Variants in AP1G1 observed in about 807,000 individuals in gnomAD.
The protein encoded by AP1G1 is AP-1 complex subunit gamma-1.
In AP1G1, 7 loss-of-function variants were observed where a neutral mutation model predicts 108.3. The observed-to-expected ratio is 0.06, with a 90% CI of 0.04 to 0.12. The LOEUF (loss-of-function observed/expected upper bound fraction) is 0.12, where lower values mean the gene tolerates loss of function less well. AP1G1 is among the 10% of genes least tolerant of loss of function. The probability of loss-of-function intolerance (pLI) is 1.00; values close to 1 mark genes in which losing one functional copy is unlikely to be tolerated. For synonymous variants in AP1G1, 379 were observed against 353.5 expected, an observed-to-expected ratio of 1.07 and a Z score of -0.81; for missense variants, 756 against 1,010.7, an observed-to-expected ratio of 0.75 and a Z score of 3.42.
chr16:71,751,958 G>A (rs2030529985), intron 13 of AP1G1, among the ~76,000 whole-genome samples: 1 of 152,054 alleles, frequency 6.6e-6, no homozygotes, highest in African/African-American at 2.4e-5. Flanking sequence ...AAAACTATAA[G>A]CCAATCTCTC....
chr16:71,766,339 TTCCTTCC>T (rs2031311661), intron 6 of AP1G1: 1 of 384,628 alleles, frequency 2.6e-6, no homozygotes, highest in African/African-American at 2.1e-5. Context: ...AATCAGGAAT[TTCCTTCC>T]TATCCTTCCT....
chr16:71,771,069 TGA>T lies in AP1G1; in HGVS notation c.565+85_565+86del, dbSNP rs970131299. 9.7e-5 allele frequency: 79 copies of T among 815,734 alleles called. No homozygotes were observed. In the African/African-American group the frequency reaches 1.2e-3, roughly 13 times the overall value. 50.5% of individuals were successfully genotyped at this position (815,734 alleles called of 1,614,324 possible). ...CAGCAGAAACGCGACTCCACTGTTC[TGA>T]GAGACACAGGACTAACATAGCCTTA... On this transcript the variant is annotated intron_variant, in intron 5 of 22. Transcript: ENST00000299980.
rs1399256622 is a variant in AP1G1 at position 71,747,647 on chromosome 16, T to A, written c.1625+604A>T. Among the ~76,000 whole-genome samples, 6 of 150,940 alleles carry A rather than the reference T, an allele frequency of 4.0e-5. No homozygotes were observed. In the East Asian group the frequency reaches 9.8e-4, roughly 25 times the overall value. On this transcript the variant is annotated intron_variant, in intron 16 of 22. Coordinates refer to ENST00000299980, the MANE Select transcript of AP1G1 (RefSeq NM_001128.6). ...TATATGGGGAAGTAGATTCTCAACT[T>A]AAAAAGAAAAAAAAAAGGTATTAGA...
intron 16 of AP1G1, 47 bp from the exon 17 acceptor site, chr16:71,746,739 A>C: frequency 2.1e-6 from 3 of 1,413,252 alleles, no homozygotes; most frequent in Non-Finnish European, 3.0e-6. Context: ...AAGAAAATTC[A>C]CAAATAAGCA....
chr16:71,795,797 G>C (rs1460026125), intron 1 of AP1G1, among the ~76,000 whole-genome samples: 1 of 152,134 alleles, frequency 6.6e-6, no homozygotes, highest in Non-Finnish European at 1.5e-5. Context: ...CTGTGTTTTT[G>C]TGGTTTTCTT....
At chr16:71,779,955 C>A (rs1431816414) in intron 2 of AP1G1, among the ~76,000 whole-genome samples, 2 of 149,744 alleles carry the variant, frequency 1.3e-5, no homozygotes, top group Non-Finnish European at 3.0e-5. Flanking sequence ...CCCATCTCTA[C>A]AAAATTTAAA....
intron 1 of AP1G1, 78 bp downstream of exon 1, chr16:71,808,685 G>T: frequency 5.4e-6 from 7 of 1,286,690 alleles, no homozygotes; most frequent in Non-Finnish European, 7.1e-6. Flanking sequence ...AAACTGAAAG[G>T]AAGCTTCCGG....
At chr16:71,800,534 G>A (rs1304980790) in intron 1 of AP1G1, among the ~76,000 whole-genome samples, 1 of 151,530 alleles carries the variant, frequency 6.6e-6, no homozygotes, top group Non-Finnish European at 1.5e-5. Context: ...GGGTGCGGGG[G>A]CTCACGCCTT....
intron 4 of AP1G1, 29 bp from the exon 5 acceptor site, chr16:71,771,281 G>A (rs1244872925): frequency 1.8e-5 from 24 of 1,367,098 alleles, no homozygotes; most frequent in South Asian, 5.6e-5. Context: ...AAGAACAAAA[G>A]GTTTATTTCA....
rs2045484530 is a variant in AP1G1 at position 71,732,512 on chromosome 16, G to A, written c.*546C>T. On this transcript the variant is annotated 3_prime_UTR_variant, in exon 23 of 23. Coordinates refer to ENST00000299980, the MANE Select transcript of AP1G1 (RefSeq NM_001128.6). ...GAGCCTAATGCCTCTTTCAAACATT[G>A]GGGGAACCAGTAGAAAAAGGCAGGG... 6.5e-6 allele frequency: 1 copy of A among 153,052 alleles called. No homozygotes were observed. Among genetic ancestry groups the A allele is most frequent in the Non-Finnish European group, 1.5e-5 (1 of 68,668 alleles). The allele number at this position is 153,052 out of a possible 1,614,324, so 9.5% of individuals were successfully genotyped here.
At position 71,729,413 on chromosome 16, in the gene AP1G1, C is replaced by T. The variant is rs940774282; in HGVS notation, c.*3645G>A. 3 of 147,272 alleles carry T rather than the reference C, an allele frequency of 2.0e-5. No homozygotes were observed. Among genetic ancestry groups the T allele is most frequent in the Non-Finnish European group, 4.5e-5 (3 of 67,226 alleles). 9.1% of individuals were successfully genotyped at this position (147,272 alleles called of 1,614,324 possible). A position where few individuals can be genotyped will look rare whatever the true frequency, so the allele number is the denominator to read the frequency against. On this transcript the variant is annotated 3_prime_UTR_variant, in exon 23 of 23. Coordinates refer to ENST00000299980, the MANE Select transcript of AP1G1 (RefSeq NM_001128.6). Reference sequence around the variant, plus strand: ...AAAAACAAAACACACAAAGCGCAACCGCAGGTTCTTTGAGGGAAGAAAAAA... The same window carrying T: ...AAAAACAAAACACACAAAGCGCAACTGCAGGTTCTTTGAGGGAAGAAAAAA...
At chr16:71,804,407 A>C (rs1376120603) in intron 1 of AP1G1, among the ~76,000 whole-genome samples, 1 of 102,064 alleles carries the variant, frequency 9.8e-6, no homozygotes, top group Non-Finnish European at 2.1e-5. Flanking sequence ...ATGCTCTCTT[A>C]ATTTTTTTTT....
At chr16:71,748,967 C>T (rs1030972566) in intron 15 of AP1G1, among the ~76,000 whole-genome samples, 7 of 151,810 alleles carry the variant, frequency 4.6e-5, no homozygotes, top group Non-Finnish European at 1.0e-4. Flanking sequence ...AATGCAGTGG[C>T]GCAATCTTGG....
chr16:71,758,284 G>A (rs2030903177), intron 11 of AP1G1: 1 of 384,038 alleles, frequency 2.6e-6, no homozygotes, highest in South Asian at 2.0e-5. Flanking sequence ...TTACTCCACT[G>A]AGGGAAGAGA....
chr16:71,753,685 G>A (rs12920890), intron 13 of AP1G1, 148 bp downstream of exon 13: 84,559 of 742,762 alleles, frequency 0.11, 5,736 homozygotes, highest in Middle Eastern at 0.17. Flanking sequence ...GCTGCTTTAG[G>A]TTTTTCTTCA....
chr16:71,735,965 T>C (rs1482147561), intron 21 of AP1G1, among the ~76,000 whole-genome samples: 2 of 150,416 alleles, frequency 1.3e-5, no homozygotes, highest in East Asian at 4.0e-4. Context: ...ACCCCATCTC[T>C]ACTAAAAATA....
chr16:71,768,587 A>G (rs2031420471), intron 6 of AP1G1, among the ~76,000 whole-genome samples: 1 of 151,530 alleles, frequency 6.6e-6, no homozygotes, highest in Non-Finnish European at 1.5e-5. Flanking sequence ...CAGTAGAGTA[A>G]AAGTAATAAA....
intron 1 of AP1G1, chr16:71,808,417 G>C: frequency 3.5e-6 from 4 of 1,127,412 alleles, no homozygotes; most frequent in Non-Finnish European, 3.4e-6. Flanking sequence ...ACGCGGGGGT[G>C]GGGCCCGCCC....
intron 2 of AP1G1, among the ~76,000 whole-genome samples, chr16:71,786,279 A>G (rs563224420): frequency 6.2e-4 from 94 of 152,152 alleles, no homozygotes; most frequent in Non-Finnish European, 8.2e-4. Flanking sequence ...GAGATTTTTT[A>G]CAAAATGAAA....
Sources: allele counts gnomAD v4.1 joint callset (sites outside exome capture counted in the v4.1 genomes callset), GRCh38; gene constraint gnomAD v4.1.1; transcripts MANE v1.5; gene names NCBI Gene and HGNC (gene_info 2026-07-23, HGNC 2026-07-21).